Variants in MAGEA4 observed in about 807,000 individuals in gnomAD.
MAGEA4 encodes the protein melanoma-associated antigen 4.
Under a neutral mutation model 13.7 loss-of-function variants are expected in MAGEA4, and 1 was observed. The ratio of observed to expected loss-of-function variants is 0.07; its 90% CI spans 0.03 to 0.35. The LOEUF is 0.35. Ranked by LOEUF, MAGEA4 falls within the 10% of genes least tolerant of loss-of-function variation. The pLI, the probability that MAGEA4 is intolerant of heterozygous loss-of-function variation, is 0.99. For synonymous variants in MAGEA4, 132 were observed against 101.1 expected (o/e 1.31, Z -1.83); for missense variants, 312 against 245.1 (o/e 1.27, Z -1.82).
chrX:151,917,814 C>G (rs1489879912), intron 1 of MAGEA4: 1 of 103,072 alleles, frequency 9.7e-6, no homozygotes. Context: ...ACCCCACTGC[C>G]TCTGAAGTCG....
chrX:151,921,307 C>A (rs773478380), intron 1 of MAGEA4, among the ~76,000 whole-genome samples: 1 of 112,216 alleles, frequency 8.9e-6, no homozygotes, highest in Non-Finnish European at 1.9e-5. Context: ...CAGTTGAGAT[C>A]GGCTGAGGGG....
chrX:151,921,237 A>C (rs1216927851), intron 1 of MAGEA4, among the ~76,000 whole-genome samples: 1 of 112,388 alleles, frequency 8.9e-6, no homozygotes, highest in Non-Finnish European at 1.9e-5. Flanking sequence ...GGGAAACCCC[A>C]GGCTTGGTGC....
chrX:151,924,368 G>A lies in MAGEA4; in HGVS notation c.704G>A (p.Arg235Lys), dbSNP rs572691118. ...GGTGTGATGGGGGTGTATGATGGGA[G>A]GGAGCACACTGTCTATGGGGAGCCC... ...ELGVMGVYDG[R>K]EHTVYGEPRK... Residue 235 changes from arginine to lysine, a missense_variant, in exon 3 of 3, where the codon AGG becomes AAG. Arg to Lys is a conservative substitution (Grantham distance 26, BLOSUM62 2). Coordinates refer to ENST00000276344, the MANE Select transcript of MAGEA4 (RefSeq NM_001011548.1). 8.3e-7 allele frequency: 1 copy of A among 1,210,777 alleles called. No homozygotes were observed. Among genetic ancestry groups the A allele is most frequent in the Admixed American group, 2.2e-5 (1 of 46,055 alleles).
chrX:151,920,012 A>G (rs1421126535), intron 1 of MAGEA4, among the ~76,000 whole-genome samples: 7 of 44,944 alleles, frequency 1.6e-4, no homozygotes, highest in Admixed American at 2.9e-4. Context: ...TCCCATCCAC[A>G]CTCCCAACCC....
At chrX:151,915,730 G>A (rs1933062075) in intron 1 of MAGEA4, 1 of 97,879 alleles carries the variant, frequency 1.0e-5, no homozygotes, top group Non-Finnish European at 1.4e-5. Flanking sequence ...GGCCACCTGT[G>A]GGCGGACTTC....
chrX:151,919,915 G>A (rs1933333854), intron 1 of MAGEA4, among the ~76,000 whole-genome samples: 1 of 110,241 alleles, frequency 9.1e-6, no homozygotes. Flanking sequence ...TGCAAGACTG[G>A]TGAGGGCAGG....
rs1229257730 is a variant in MAGEA4 at position 151,923,986 on chromosome X, G to A, written c.322G>A (p.Glu108Lys). 3 of 1,210,633 alleles carry A rather than the reference G, an allele frequency of 2.5e-6. No homozygotes were observed. Among genetic ancestry groups the A allele is most frequent in the Non-Finnish European group, 3.4e-6 (3 of 895,349 alleles). Residue 108 changes from glutamate (E) to lysine (K), a missense_variant, in exon 3 of 3, where the codon GAA becomes AAA. By Grantham distance (56) the Glu-to-Lys change is moderately conservative. Transcript: ENST00000276344. ...GCCTGACGCAGAGTCCTTGTTCCGA[G>A]AAGCACTCAGTAACAAGGTGGATGA... is the stretch of plus-strand genomic sequence containing the variant. ...TSPDAESLFR[E>K]ALSNKVDELA...
Position 151,912,966 on chromosome X carries a change from C to G in MAGEA4, c.-141C>G, listed in dbSNP as rs970538676. On this transcript the variant is annotated 5_prime_UTR_variant, in exon 1 of 3. Transcript: ENST00000276344. ...AGCCCGCCCAGGCTCTATAAGGAGA[C>G]AAGGTGAGATGCTGAGGGAGGACTC... is the stretch of plus-strand genomic sequence containing the variant. The G allele has an allele frequency of 8.9e-6, 1 of 112,176 alleles. No individual in the cohort carries two copies. The highest frequency in any genetic ancestry group is 3.5e-5 in the African/African-American group (1 of 28,654). 9.2% of individuals were successfully genotyped at this position (112,176 alleles called of 1,213,427 possible). A position where few individuals can be genotyped will look rare whatever the true frequency, so the allele number is the denominator to read the frequency against.
chrX:151,923,438 C>A lies in MAGEA4; in HGVS notation c.-137-15C>A, dbSNP rs191337488. ...CCGGCTATACCCTGAGGTGCTCTCT[C>A]ACTTCCTCCTTCAGGTTCTGAGCAG... On this transcript the variant is annotated splice_polypyrimidine_tract_variant and intron_variant, in intron 1 of 2. Coordinates refer to ENST00000276344, the MANE Select transcript of MAGEA4 (RefSeq NM_001011548.1). 304 of 1,172,682 alleles carry A rather than the reference C, an allele frequency of 2.6e-4. No individual in the cohort carries two copies. In the East Asian group the frequency reaches 8.1e-3, roughly 31 times the overall value.
At chrX:151,912,876 C>G (rs1932965980), upstream of MAGEA4, 1 of 132,854 alleles carries the variant, frequency 7.5e-6, no homozygotes, top group African/African-American at 3.5e-5. Flanking sequence ...CACTGACTTG[C>G]GCACTGGGGG....
chrX:151,922,470 C>G lies in MAGEA4; in HGVS notation c.-137-983C>G, dbSNP rs1451996147. 2.7e-5 allele frequency among the ~76,000 whole-genome samples: 3 copies of G among 111,280 alleles called. No individual in the cohort carries two copies. The East Asian group carries it at 8.6e-4, about 32-fold the overall frequency. On this transcript the variant is annotated intron_variant, in intron 1 of 2. Transcript: ENST00000276344. ...CACCCCAGAACCAAAGGGGTCAGCC[C>G]TGGGCACCCCACACAGGGGTGACAG... is the stretch of plus-strand genomic sequence containing the variant.
chrX:151,923,995 A>G lies in MAGEA4; in HGVS notation c.331A>G (p.Ser111Gly). Residue 111 changes from serine to glycine, a missense_variant, in exon 3 of 3, where the codon AGT becomes GGT. Coordinates refer to ENST00000276344, the MANE Select transcript of MAGEA4 (RefSeq NM_001011548.1). ...DAESLFREAL[S>G]NKVDELAHFL... ...AGAGTCCTTGTTCCGAGAAGCACTC[A>G]GTAACAAGGTGGATGAGTTGGCTCA... 1 of 1,212,154 alleles carries G rather than the reference A, an allele frequency of 8.2e-7. No individual in the cohort carries two copies. Among genetic ancestry groups the G allele is most frequent in the African/African-American group, 1.7e-5 (1 of 57,985 alleles).
chrX:151,922,790 G>A (rs1025172410), intron 1 of MAGEA4, among the ~76,000 whole-genome samples: 3 of 111,645 alleles, frequency 2.7e-5, no homozygotes, highest in Non-Finnish European at 5.7e-5. Flanking sequence ...GTCACGGAGT[G>A]GGAGGCCTTG....
In MAGEA4 at chrX:151,923,661, C is replaced by T; in HGVS notation, c.-4C>T. ...TCTTGCCTGCTGCCCTGACCAGAGT[C>T]ATCATGTCTTCTGAGCAGAAGAGTC... On this transcript the variant is annotated 5_prime_UTR_variant, in exon 3 of 3. Coordinates refer to ENST00000276344, the MANE Select transcript of MAGEA4 (RefSeq NM_001011548.1). The T allele has an allele frequency of 2.5e-6, 3 of 1,211,167 alleles. No individual in the cohort carries two copies. Among genetic ancestry groups the T allele is most frequent in the Non-Finnish European group, 1.1e-6 (1 of 895,379 alleles).
chrX:151,924,355 G>T lies in MAGEA4; in HGVS notation c.691G>T (p.Val231Leu), dbSNP rs150785634. ...EIWEELGVMG[V>L]YDGREHTVYG... ...CTGGGAGGAGCTGGGTGTGATGGGGGTGTATGATGGGAGGGAGCACACTGT... is the reference window on the plus strand; with the variant it reads ...CTGGGAGGAGCTGGGTGTGATGGGGTTGTATGATGGGAGGGAGCACACTGT... Residue 231 changes from valine (V) to leucine (L), a missense_variant, in exon 3 of 3, where the codon GTG (valine) becomes TTG (leucine). Coordinates refer to ENST00000276344, the MANE Select transcript of MAGEA4 (RefSeq NM_001011548.1). 112 of 1,209,188 alleles carry T rather than the reference G, an allele frequency of 9.3e-5. No homozygotes were observed. The African/African-American group carries it at 1.7e-3, about 18-fold the overall frequency.
chrX:151,922,068 C>T (rs1216897473), intron 1 of MAGEA4, among the ~76,000 whole-genome samples: 1 of 111,122 alleles, frequency 9.0e-6, no homozygotes, highest in Non-Finnish European at 1.9e-5. Context: ...ATACTTCCTG[C>T]ATCTTCGAGG....
rs779980180 is a variant in MAGEA4, at chrX:151,924,088, A to G, written c.424A>G (p.Lys142Glu). 6 of 1,210,842 alleles carry G rather than the reference A, an allele frequency of 5.0e-6. No individual in the cohort carries two copies. The highest frequency in any genetic ancestry group is 6.7e-6 in the Non-Finnish European group (6 of 895,425). The change falls in exon 3 of 3, where the codon AAA (lysine) becomes GAA (glutamate). Residue 142 changes from lysine to glutamate, a missense_variant. Coordinates refer to ENST00000276344, the MANE Select transcript of MAGEA4 (RefSeq NM_001011548.1). ...TKAEMLERVI[K>E]NYKRCFPVIF... is the part of the protein sequence containing the mutation. ...GGCAGAAATGCTGGAGAGAGTCATC[A>G]AAAATTACAAGCGCTGCTTTCCTGT...
Position 151,924,702 on chromosome X carries a change from T to A in MAGEA4, c.*84T>A. 5 of 988,631 alleles carry A rather than the reference T, an allele frequency of 5.1e-6. No homozygotes were observed. The highest frequency in any genetic ancestry group is 6.8e-6 in the Non-Finnish European group (5 of 735,556). 81.5% of individuals were successfully genotyped at this position (988,631 alleles called of 1,213,427 possible). On this transcript the variant is annotated 3_prime_UTR_variant, in exon 3 of 3. Transcript: ENST00000276344. ...GCCCTGTGCAGCAGCTTCCCTTGCC[T>A]CGTGTAACATGAGGCCCATTCTTCA...
chrX:151,919,910 G>C, intron 1 of MAGEA4, among the ~76,000 whole-genome samples: 1 of 110,499 alleles, frequency 9.0e-6, no homozygotes, highest in Non-Finnish European at 1.9e-5. Context: ...ATCAGTGCAA[G>C]ACTGGTGAGG....
Sources: allele counts gnomAD v4.1 joint callset (sites outside exome capture counted in the v4.1 genomes callset), GRCh38; gene constraint gnomAD v4.1.1; transcripts MANE v1.5; gene names NCBI Gene and HGNC (gene_info 2026-07-23, HGNC 2026-07-21).